Variants in NBEA observed in about 807,000 individuals in gnomAD.
The protein encoded by NBEA is lysosomal-trafficking regulator 2.
In NBEA, 44 loss-of-function variants were observed where a neutral mutation model predicts 343.4. The observed-to-expected ratio is 0.13, with a 90% confidence interval of 0.10 to 0.16. The LOEUF is 0.16. Among genes scored for constraint, NBEA ranks in the 10% least tolerant of loss-of-function variants. NBEA has a pLI of 1.00. For missense variants in NBEA, 2,555 were observed against 3,631.3 expected, an observed-to-expected ratio of 0.70 and a Z score of 7.62; for synonymous variants, 1,175 against 1,238.7, an observed-to-expected ratio of 0.95 and a Z score of 1.08.
Position 35,645,894 on chromosome 13 carries a change from A to T in NBEA, c.7643A>T (p.Asp2548Val), listed in dbSNP as rs372533925. The T allele has an allele frequency of 7.0e-6, 11 of 1,577,570 alleles. No individual in the cohort carries two copies. The highest frequency in any genetic ancestry group is 9.5e-6 in the Non-Finnish European group (11 of 1,158,128). The change falls in exon 50 of 59, where the codon GAC becomes GTC. Residue 2548 changes from aspartate to valine, a missense_variant. Asp to Val is a radical substitution (Grantham distance 152). This residue lies in a region of NBEA where 87 missense variants were observed against 75.0 expected (regional missense o/e 1.16). Transcript: ENST00000379939. ...ATTCCAGAAGCTTATTTCATTAGAGACCCCCACACTTTCCTTCTTACAAAG... is the reference window on the plus strand; with the variant it reads ...ATTCCAGAAGCTTATTTCATTAGAGTCCCCCACACTTTCCTTCTTACAAAG... ...REIPEAYFIR[D>V]PHTFLLTKDF...
chr13:35,474,495 C>T (rs1357814079), intron 41 of NBEA: 3 of 152,634 alleles, frequency 2.0e-5, no homozygotes, highest in Non-Finnish European at 4.4e-5. Context: ...AGGAAGAAAT[C>T]TACCTTTAAA....
Position 35,527,537 on chromosome 13 carries a change from A to T in NBEA, c.6586-22940A>T, listed in dbSNP as rs139669098. 2.6e-4 allele frequency among the ~76,000 whole-genome samples: 39 copies of T among 152,306 alleles called. No individual in the cohort carries two copies. The East Asian group carries it at 7.6e-3, about 30-fold the overall frequency. Reference sequence around the variant, plus strand: ...CCCTCCTGAGCTCCTGGGTGCCCAAAGTCCAGACGGGGCCCCAAGGCGGCG... The same window carrying T: ...CCCTCCTGAGCTCCTGGGTGCCCAATGTCCAGACGGGGCCCCAAGGCGGCG... On this transcript the variant is annotated intron_variant, in intron 41 of 58. Coordinates refer to ENST00000379939, the MANE Select transcript of NBEA (RefSeq NM_001385012.1).
chr13:35,635,275 T>C (rs2083647811), intron 49 of NBEA, among the ~76,000 whole-genome samples: 1 of 152,166 alleles, frequency 6.6e-6, no homozygotes, highest in Non-Finnish European at 1.5e-5. Context: ...CAACACCACC[T>C]GCCCGATCTG....
At chr13:35,646,046 TGG>T in intron 50 of NBEA, 115 bp downstream of exon 50, 1 of 742,448 alleles carries the variant, frequency 1.3e-6, no homozygotes, top group Non-Finnish European at 2.2e-6. Context: ...GAATAGTGAC[TGG>T]GTTAACTGAA....
At position 35,081,766 on chromosome 13, in the gene NBEA, C is replaced by A. The variant is rs150577115; in HGVS notation, c.1571+10914C>A. Among the ~76,000 whole-genome samples, 682 of 151,882 alleles carry A rather than the reference C, an allele frequency of 4.5e-3. 10 individuals carry two copies. Among genetic ancestry groups the A allele is most frequent in the Middle Eastern group, 0.01 (3 of 294 alleles). ...ATCTTGTTTTTAAGAGTATTTTTTT[C>A]TTTTCTTCAAAATTTATTTTGTTGA... On this transcript the variant is annotated intron_variant, in intron 10 of 58. Coordinates refer to ENST00000379939, the MANE Select transcript of NBEA (RefSeq NM_001385012.1).
chr13:34,943,634 C>G (rs2059100212), intron 1 of NBEA, among the ~76,000 whole-genome samples: 1 of 152,174 alleles, frequency 6.6e-6, no homozygotes, highest in African/African-American at 2.4e-5. Flanking sequence ...TGCAGTTTTG[C>G]ATCTGTCTTT....
At chr13:34,978,446 G>T (rs117100555) in intron 1 of NBEA, among the ~76,000 whole-genome samples, 3,932 of 152,254 alleles carry the variant, frequency 0.026, 69 homozygotes, top group Non-Finnish European at 0.038. Context: ...TTGACGCCAT[G>T]CATATTTTTT....
intron 33 of NBEA, among the ~76,000 whole-genome samples, chr13:35,216,067 G>GT (rs2074047106): frequency 6.6e-6 from 1 of 150,872 alleles, no homozygotes; most frequent in South Asian, 2.1e-4. Flanking sequence ...TTGTTATTTT[G>GT]TTTTTTCTCA....
intron 27 of NBEA, among the ~76,000 whole-genome samples, chr13:35,175,798 T>G (rs1459027545): frequency 6.6e-6 from 1 of 152,148 alleles, no homozygotes; most frequent in Non-Finnish European, 1.5e-5. Flanking sequence ...TTGAATGCAG[T>G]GGGAAAGTTT....
At chr13:35,046,962 G>A (rs117688605) in intron 4 of NBEA, among the ~76,000 whole-genome samples, 6,952 of 151,910 alleles carry the variant, frequency 0.046, 237 homozygotes, top group Non-Finnish European at 0.067. Flanking sequence ...CACATCTTCC[G>A]TTCATTTAAA....
intron 38 of NBEA, among the ~76,000 whole-genome samples, chr13:35,422,857 G>A (rs9544300): frequency 1.3e-5 from 2 of 152,046 alleles, no homozygotes; most frequent in African/African-American, 4.8e-5. Context: ...GTGTGAAATG[G>A]TATCTCATTG....
At chr13:35,039,222 C>T (rs974562180) in intron 1 of NBEA, among the ~76,000 whole-genome samples, 1 of 151,968 alleles carries the variant, frequency 6.6e-6, no homozygotes, top group Non-Finnish European at 1.5e-5. Flanking sequence ...GGCACCAAGC[C>T]ATGCTGCTGG....
At chr13:35,380,202 T>C (rs1367156380) in intron 38 of NBEA, among the ~76,000 whole-genome samples, 1 of 127,988 alleles carries the variant, frequency 7.8e-6, no homozygotes, top group Non-Finnish European at 1.7e-5. Context: ...CCCAGCACTT[T>C]GGAAGGCTGA....
At chr13:35,585,380 A>G (rs2081252360) in intron 46 of NBEA, among the ~76,000 whole-genome samples, 1 of 150,420 alleles carries the variant, frequency 6.6e-6, no homozygotes, top group Non-Finnish European at 1.5e-5. Context: ...TTTTTTACCT[A>G]TCATGTCTCT....
chr13:35,312,320 G>A (rs2037423681), intron 36 of NBEA, among the ~76,000 whole-genome samples: 1 of 152,134 alleles, frequency 6.6e-6, no homozygotes, highest in Admixed American at 6.5e-5. Context: ...TGCCATTTGA[G>A]AGATCATTAG....
intron 49 of NBEA, among the ~76,000 whole-genome samples, chr13:35,630,947 C>T (rs556043964): frequency 6.6e-6 from 1 of 152,240 alleles, no homozygotes; most frequent in Non-Finnish European, 1.5e-5. Context: ...CCACTTCCCA[C>T]CATTCCCCCC....
intron 41 of NBEA, among the ~76,000 whole-genome samples, chr13:35,496,818 GGA>G (rs1420507748): frequency 6.6e-6 from 1 of 151,880 alleles, no homozygotes; most frequent in Non-Finnish European, 1.5e-5. Context: ...TCCCAGGACT[GGA>G]GCTAGAACTT....
chr13:35,335,059 A>G (rs1465367958), intron 36 of NBEA, among the ~76,000 whole-genome samples: 1 of 152,090 alleles, frequency 6.6e-6, no homozygotes, highest in Non-Finnish European at 1.5e-5. Flanking sequence ...GTCTAGTTTC[A>G]TTCTTCTGCA....
rs2067383432 is a variant in NBEA, at chr13:35,130,864, T to C, written c.2336+7290T>C. ...AAAAATTAAACTTAGAAAATAGAAA[T>C]ATATATATCTTCTAAATAACTATAA... On this transcript the variant is annotated intron_variant, in intron 17 of 58. Coordinates refer to ENST00000379939, the MANE Select transcript of NBEA (RefSeq NM_001385012.1). Among the ~76,000 whole-genome samples, 3 of 151,958 alleles carry C rather than the reference T, an allele frequency of 2.0e-5. No homozygotes were observed. The South Asian group carries it at 6.2e-4, about 31-fold the overall frequency.
Sources: allele counts gnomAD v4.1 joint callset (sites outside exome capture counted in the v4.1 genomes callset), GRCh38; gene constraint gnomAD v4.1.1; regional missense constraint gnomAD v4.1.1; transcripts MANE v1.5; gene names NCBI Gene and HGNC (gene_info 2026-07-23, HGNC 2026-07-21).